The following NAA60 variants were observed in gnomAD, a reference collection of about 807,000 sequenced individuals.
NAA60 encodes the protein N-alpha-acetyltransferase 60.
A neutral mutation model predicts 26.1 loss-of-function variants in NAA60; 8 were observed. The observed-to-expected ratio is 0.31, with a 90% CI of 0.18 to 0.55. The LOEUF is 0.55. Ranked by LOEUF, NAA60 falls within the 20% of genes least tolerant of loss-of-function variation. The pLI, the probability that NAA60 is intolerant of heterozygous loss-of-function variation, is 0.93. For synonymous variants in NAA60, 131 were observed against 122.5 expected, an observed-to-expected ratio of 1.07 and a Z score of -0.46; for missense variants, 290 against 311.3, an observed-to-expected ratio of 0.93 and a Z score of 0.51.
At chr16:3,466,204 C>G (rs1393948452) in intron 2 of NAA60, among the ~76,000 whole-genome samples, 5 of 152,262 alleles carry the variant, frequency 3.3e-5, no homozygotes, top group African/African-American at 1.2e-4. Context: ...ACAGAATCCT[C>G]CATTGTCACT....
In NAA60 at chr16:3,448,496, A is replaced by G; in HGVS notation, c.-51A>G. On this transcript the variant is annotated 5_prime_UTR_variant, in exon 2 of 8. Transcript: ENST00000407558. Reference sequence around the variant, plus strand: ...CATACAGAAAGGCTGTACCTGGAGGAAGGAAGTGCGGAGCCAGCCTGAGTT... The same window carrying G: ...CATACAGAAAGGCTGTACCTGGAGGGAGGAAGTGCGGAGCCAGCCTGAGTT... 6.5e-7 allele frequency: 1 copy of G among 1,535,580 alleles called. No homozygotes were observed. Among genetic ancestry groups the G allele is most frequent in the Non-Finnish European group, 8.7e-7 (1 of 1,146,866 alleles).
rs368043432 is a variant in NAA60, at chr16:3,475,954, G to T, written c.-6-268G>T. Among the ~76,000 whole-genome samples, 196 of 152,356 alleles carry T rather than the reference G, an allele frequency of 1.3e-3. 4 individuals are homozygous for T. In the South Asian group the frequency reaches 0.026, roughly 20 times the overall value. On this transcript the variant is annotated intron_variant, in intron 2 of 7. Transcript: ENST00000407558. ...GCAGCTCAGATGGGGAGAGAGGCTG[G>T]CCAGGGCTTCCTTCAGCTGGGGCTG...
rs895032748 is a variant in NAA60 at position 3,446,922 on chromosome 16, A to C, written c.-76-1549A>C. Among the ~76,000 whole-genome samples, 24 of 151,492 alleles carry C rather than the reference A, an allele frequency of 1.6e-4. 1 individual carries two copies. The highest frequency in any genetic ancestry group is 5.1e-4 in the African/African-American group (21 of 41,226). ...CACCGCACCTGGCCTGCTCACTGCA[A>C]CCTCCATCTCCCAGGTTCAAGCAAT... On this transcript the variant is annotated intron_variant, in intron 1 of 7. Transcript: ENST00000407558.
chr16:3,445,119 A>G (rs1482267382), intron 1 of NAA60, among the ~76,000 whole-genome samples: 2 of 152,214 alleles, frequency 1.3e-5, no homozygotes, highest in African/African-American at 4.8e-5. Context: ...GAAGAATGGT[A>G]AGAACAAACT....
intron 2 of NAA60, among the ~76,000 whole-genome samples, chr16:3,467,223 G>A (rs965419178): frequency 3.3e-5 from 5 of 152,084 alleles, no homozygotes; most frequent in African/African-American, 9.7e-5. Flanking sequence ...AAGCTGAAGC[G>A]TGTGGCGGGA....
At chr16:3,459,356 G>A (rs2035223150) in intron 2 of NAA60, among the ~76,000 whole-genome samples, 1 of 152,210 alleles carries the variant, frequency 6.6e-6, no homozygotes, top group South Asian at 2.1e-4. Flanking sequence ...GGGAGAGGGG[G>A]AGTCTTCAAC....
intron 2 of NAA60, chr16:3,472,326 G>C (rs2036204142): frequency 6.6e-6 from 1 of 152,220 alleles, no homozygotes; most frequent in African/African-American, 2.4e-5. Context: ...CTTGCATTCA[G>C]TCACCTGGAA....
At chr16:3,451,377 C>T (rs1204524328) in intron 2 of NAA60, among the ~76,000 whole-genome samples, 2 of 152,060 alleles carry the variant, frequency 1.3e-5, no homozygotes, top group East Asian at 1.9e-4. Context: ...TATTTTTCAC[C>T]AATGTATCCT....
rs772747280 is a variant in NAA60 at position 3,484,804 on chromosome 16, A to G, written c.678A>G (p.Pro226=). ...QAHSLLCSFL[P]WSGISSKSGI... is the part of the protein sequence containing the mutation. ...ACAGCCTGCTCTGCAGCTTCCTGCCATGGTCGGGCATCTCTTCCAAGAGTG... is the reference window on the plus strand; with the variant it reads ...ACAGCCTGCTCTGCAGCTTCCTGCCGTGGTCGGGCATCTCTTCCAAGAGTG... Residue 226 remains proline (P), a synonymous_variant, in exon 7 of 8, where the codon CCA becomes CCG. Coordinates refer to ENST00000407558, the MANE Select transcript of NAA60 (RefSeq NM_001083601.3). The G allele has an allele frequency of 9.5e-6, 15 of 1,576,748 alleles. No individual in the cohort carries two copies. Among genetic ancestry groups the G allele is most frequent in the South Asian group, 9.3e-5 (8 of 85,976 alleles).
chr16:3,455,769 G>A (rs1007657140), intron 2 of NAA60, among the ~76,000 whole-genome samples: 4 of 151,944 alleles, frequency 2.6e-5, no homozygotes, highest in Non-Finnish European at 4.4e-5. Context: ...GTACAGTGGC[G>A]CGATCTCGGC....
chr16:3,446,332 C>T (rs540861053), intron 1 of NAA60, among the ~76,000 whole-genome samples: 2 of 152,132 alleles, frequency 1.3e-5, no homozygotes, highest in South Asian at 4.2e-4. Context: ...GAGATCGAGA[C>T]CATCCTGGCT....
At chr16:3,460,107 C>T (rs139220332) in intron 2 of NAA60, among the ~76,000 whole-genome samples, 12 of 152,248 alleles carry the variant, frequency 7.9e-5, no homozygotes, top group African/African-American at 2.6e-4. Context: ...CCATAGGGAA[C>T]AGATAGATGC....
In NAA60 at chr16:3,473,402, A is replaced by G. The variant is rs575791408; in HGVS notation, c.-6-2820A>G. 3.9e-5 allele frequency among the ~76,000 whole-genome samples: 6 copies of G among 152,276 alleles called. No individual in the cohort carries two copies. In the South Asian group the frequency reaches 1.0e-3, roughly 26 times the overall value. On this transcript the variant is annotated intron_variant, in intron 2 of 7. Coordinates refer to ENST00000407558, the MANE Select transcript of NAA60 (RefSeq NM_001083601.3). The stretch of plus-strand genomic sequence containing the variant: ...AGGCAAGAGAGAATGAGAGCCAAGC[A>G]AAAAGGGAAACCCCTTATAAAACCA...
At chr16:3,453,921 T>A (rs570835473) in intron 2 of NAA60, among the ~76,000 whole-genome samples, 2 of 152,014 alleles carry the variant, frequency 1.3e-5, no homozygotes, top group African/African-American at 2.4e-5. Context: ...CGTAGGGCCA[T>A]TGGTGTCCAG....
At chr16:3,460,344 G>C (rs536076078) in intron 2 of NAA60, among the ~76,000 whole-genome samples, 2 of 152,190 alleles carry the variant, frequency 1.3e-5, no homozygotes, top group East Asian at 3.9e-4. Flanking sequence ...ATGACTGTTT[G>C]TTTGTTTTTG....
At position 3,484,687 on chromosome 16, in the gene NAA60, A is replaced by G. The variant is rs764809403; in HGVS notation, c.573-12A>G. 6.3e-7 allele frequency: 1 copy of G among 1,581,900 alleles called. No individual in the cohort carries two copies. Among genetic ancestry groups the G allele is most frequent in the South Asian group, 1.2e-5 (1 of 86,400 alleles). On this transcript the variant is annotated splice_polypyrimidine_tract_variant and intron_variant, in intron 6 of 7. Coordinates refer to ENST00000407558, the MANE Select transcript of NAA60 (RefSeq NM_001083601.3). ...TCAGGGCAAGTCGGAATCTTCCTTA[A>G]CAGAGCCCCACGGACTACATCCAGC...
chr16:3,474,737 G>A lies in NAA60; in HGVS notation c.-6-1485G>A, dbSNP rs567482054. Among the ~76,000 whole-genome samples the A allele has an allele frequency of 5.3e-5, 8 of 152,320 alleles. No individual in the cohort carries two copies. The South Asian group carries it at 6.2e-4, about 12-fold the overall frequency. On this transcript the variant is annotated intron_variant, in intron 2 of 7. Coordinates refer to ENST00000407558, the MANE Select transcript of NAA60 (RefSeq NM_001083601.3). ...CCTGCCCCCAGCAGCTTTCAGCTGCGGATTTCACGGCCTTTCCTGATTGTT... is the reference window on the plus strand; with the variant it reads ...CCTGCCCCCAGCAGCTTTCAGCTGCAGATTTCACGGCCTTTCCTGATTGTT...
chr16:3,446,008 C>G (rs1233160530), intron 1 of NAA60, among the ~76,000 whole-genome samples: 1 of 152,054 alleles, frequency 6.6e-6, no homozygotes, highest in Non-Finnish European at 1.5e-5. Flanking sequence ...GACTGTATAC[C>G]CACTATATGT....
Position 3,485,027 on chromosome 16 carries a change from CGTGGGCATGCGCAGA to C in NAA60, c.*174_*188del. 6.6e-7 allele frequency: 1 copy of C among 1,516,974 alleles called. No individual in the cohort carries two copies. Among genetic ancestry groups the C allele is most frequent in the Non-Finnish European group, 8.8e-7 (1 of 1,132,658 alleles). 94.0% of individuals were successfully genotyped at this position (1,516,974 alleles called of 1,614,324 possible). ...CTACACGGGCTCGGGAACAGAACAT[CGTGGGCATGCGCAGA>C]GCATGCCCATCCGTGGCAGGTACGC... On this transcript the variant is annotated 3_prime_UTR_variant, in exon 7 of 8. Coordinates refer to ENST00000407558, the MANE Select transcript of NAA60 (RefSeq NM_001083601.3).
Sources: allele counts gnomAD v4.1 joint callset (sites outside exome capture counted in the v4.1 genomes callset), GRCh38; gene constraint gnomAD v4.1.1; transcripts MANE v1.5; gene names NCBI Gene and HGNC (gene_info 2026-07-23, HGNC 2026-07-21).